The following ITPR1 variants were observed in gnomAD, a reference collection of about 807,000 sequenced individuals.
The protein encoded by ITPR1 is inositol 1,4,5-trisphosphate-gated calcium channel ITPR1.
A neutral mutation model predicts 318.4 loss-of-function variants in ITPR1; 96 were observed. The observed-to-expected ratio is 0.30, with a 90% confidence interval of 0.26 to 0.36. The LOEUF (loss-of-function observed/expected upper bound fraction) is 0.36, where lower values mean the gene tolerates loss of function less well. Ranked by LOEUF, ITPR1 falls within the 10% of genes least tolerant of loss-of-function variation. The pLI, the probability that ITPR1 is intolerant of heterozygous loss-of-function variation, is 1.00. For missense variants in ITPR1, 2,440 were observed against 3,460.2 expected (o/e 0.71, Z 7.40); for synonymous variants, 1,312 against 1,289.9 (o/e 1.02, Z -0.37).
At chr3:4,743,835 C>A (rs1033102658) in intron 44 of ITPR1, among the ~76,000 whole-genome samples, 1 of 152,074 alleles carries the variant, frequency 6.6e-6, no homozygotes, top group Non-Finnish European at 1.5e-5. Context: ...GTTCGTTTGT[C>A]TGTTTGTTTG....
chr3:4,737,403 G>A (rs2043354608), intron 44 of ITPR1, among the ~76,000 whole-genome samples: 1 of 152,218 alleles, frequency 6.6e-6, no homozygotes, highest in African/African-American at 2.4e-5. Context: ...ATGGACATGG[G>A]ACTGAAAGGG....
chr3:4,806,034 G>A, intron 54 of ITPR1, 69 bp from the exon 55 acceptor site: 2 of 1,297,164 alleles, frequency 1.5e-6, no homozygotes, highest in Non-Finnish European at 2.1e-6. Context: ...TGTGTGAGAT[G>A]CTCTCGTTGC....
chr3:4,686,083 G>A (rs950623064), intron 30 of ITPR1, among the ~76,000 whole-genome samples: 6 of 152,344 alleles, frequency 3.9e-5, no homozygotes, highest in East Asian at 1.9e-4. Context: ...CTCAAGACAC[G>A]TGGATGAGAT....
At chr3:4,736,167 A>G (rs994916990) in intron 44 of ITPR1, among the ~76,000 whole-genome samples, 4 of 150,276 alleles carry the variant, frequency 2.7e-5, no homozygotes, top group African/African-American at 7.3e-5. Context: ...ACGTGTATCT[A>G]TGTACAGACT....
intron 16 of ITPR1, among the ~76,000 whole-genome samples, chr3:4,663,764 A>G (rs2093887853): frequency 6.6e-6 from 1 of 152,224 alleles, no homozygotes; most frequent in Admixed American, 6.5e-5. Context: ...AATATCTTAC[A>G]GAATAGTTTC....
At chr3:4,668,750 G>A (rs984429968) in intron 18 of ITPR1, among the ~76,000 whole-genome samples, 8 of 152,194 alleles carry the variant, frequency 5.3e-5, no homozygotes, top group Non-Finnish European at 1.2e-4. Flanking sequence ...ACAGGCGTGA[G>A]CCACCGCGCT....
At chr3:4,806,399 G>C in intron 55 of ITPR1, 132 bp downstream of exon 55, 1 of 885,258 alleles carries the variant, frequency 1.1e-6, no homozygotes, top group Non-Finnish European at 1.8e-6. Context: ...AAGCTCCACA[G>C]TTGGCAGCCT....
chr3:4,699,687 A>C, intron 34 of ITPR1, 126 bp from the exon 35 acceptor site: 1 of 775,406 alleles, frequency 1.3e-6, no homozygotes, highest in South Asian at 2.1e-5. Context: ...CCTTAAGGGG[A>C]GAAATATTGG....
At chr3:4,690,719 T>C (rs1033419410) in intron 31 of ITPR1, among the ~76,000 whole-genome samples, 3 of 152,176 alleles carry the variant, frequency 2.0e-5, no homozygotes, top group Admixed American at 6.5e-5. Context: ...CCTTCCACCA[T>C]AGAATAAAGA....
intron 4 of ITPR1, among the ~76,000 whole-genome samples, chr3:4,536,942 A>G (rs2083923937): frequency 7.2e-6 from 1 of 137,978 alleles, no homozygotes; most frequent in Middle Eastern, 3.4e-3. Flanking sequence ...ACCTAAACAA[A>G]AGGGGGATTT....
intron 4 of ITPR1, among the ~76,000 whole-genome samples, chr3:4,621,583 A>G (rs1469348236): frequency 6.6e-6 from 1 of 152,200 alleles, no homozygotes; most frequent in African/African-American, 2.4e-5. Context: ...CAGGCACACC[A>G]GGTTCTTCCT....
chr3:4,661,200 G>C, intron 14 of ITPR1, 113 bp downstream of exon 14: 2 of 598,150 alleles, frequency 3.3e-6, no homozygotes, highest in Non-Finnish European at 6.0e-6. Flanking sequence ...TTTGGCGAGA[G>C]TGTGGTCATG....
chr3:4,671,052 A>AT (rs758125455), intron 20 of ITPR1, 126 bp downstream of exon 20: 1 of 684,662 alleles, frequency 1.5e-6, no homozygotes, highest in Non-Finnish European at 2.3e-6. Context: ...TGTCTAGAAA[A>AT]AAGCCAGATG....
At chr3:4,666,161 C>G (rs77091850) in intron 17 of ITPR1, among the ~76,000 whole-genome samples, 10,607 of 152,202 alleles carry the variant, frequency 0.07, 559 homozygotes, top group African/African-American at 0.13. Context: ...ACTCTTACCA[C>G]TTTATGTGAA....
At chr3:4,743,875 C>T (rs1198328180) in intron 44 of ITPR1, among the ~76,000 whole-genome samples, 3 of 152,224 alleles carry the variant, frequency 2.0e-5, no homozygotes, top group Non-Finnish European at 2.9e-5. Flanking sequence ...CACTATGTCA[C>T]CCAAGCTGGA....
intron 46 of ITPR1, among the ~76,000 whole-genome samples, chr3:4,771,781 T>C (rs2046203703): frequency 6.6e-6 from 1 of 151,996 alleles, no homozygotes; most frequent in Non-Finnish European, 1.5e-5. Context: ...TGTTTGAAGG[T>C]ATCATAAAGA....
At chr3:4,600,226 C>T (rs2091166473) in intron 4 of ITPR1, among the ~76,000 whole-genome samples, 1 of 152,194 alleles carries the variant, frequency 6.6e-6, no homozygotes, top group South Asian at 2.1e-4. Flanking sequence ...AGTTTCCACT[C>T]AAGGCAGATT....
At chr3:4,769,228 T>C (rs912090494) in intron 46 of ITPR1, among the ~76,000 whole-genome samples, 3 of 152,140 alleles carry the variant, frequency 2.0e-5, no homozygotes, top group Non-Finnish European at 2.9e-5. Context: ...AGTTCTGTGA[T>C]GCAAAAGCCT....
At chr3:4,657,371 A>G (rs575372601) in intron 12 of ITPR1, among the ~76,000 whole-genome samples, 24 of 146,608 alleles carry the variant, frequency 1.6e-4, no homozygotes, top group African/African-American at 5.5e-4. Flanking sequence ...GCTCCTGCGG[A>G]TGGATGTACC....
Sources: allele counts gnomAD v4.1 joint callset (sites outside exome capture counted in the v4.1 genomes callset), GRCh38; gene constraint gnomAD v4.1.1; transcripts MANE v1.5; gene names NCBI Gene and HGNC (gene_info 2026-07-23, HGNC 2026-07-21).